VIT: variants seen among roughly 807,000 people sequenced by gnomAD.
The protein encoded by VIT is vitrin.
A neutral mutation model predicts 78.0 loss-of-function variants in VIT; 99 were observed. The ratio of observed to expected loss-of-function variants is 1.27; its 90% CI spans 1.08 to 1.50. VIT has a LOEUF of 1.50. VIT is among the 40% of genes most tolerant of loss of function. The pLI, the probability that VIT is intolerant of heterozygous loss-of-function variation, is 0.00. For synonymous variants in VIT, 374 were observed against 334.3 expected (o/e 1.12, Z -1.29); for missense variants, 1,126 against 875.3 (o/e 1.29, Z -3.61).
chr2:36,787,789 G>T (rs1210303618), intron 12 of VIT: 5 of 454,340 alleles, frequency 1.1e-5, no homozygotes, highest in Non-Finnish European at 2.2e-5. Flanking sequence ...ATAACCTTAG[G>T]CCCCTGCACT....
rs138011577 is a variant in VIT, at chr2:36,765,643, G to C, written c.488-1451G>C. 9.0e-3 allele frequency among the ~76,000 whole-genome samples: 1,370 copies of C among 152,262 alleles called. 20 individuals are homozygous for C. Among genetic ancestry groups the C allele is most frequent in the African/African-American group, 0.031 (1,289 of 41,500 alleles). On this transcript the variant is annotated intron_variant, in intron 6 of 15. Coordinates refer to ENST00000379242, the MANE Select transcript of VIT (RefSeq NM_053276.4). ...ACCCAAACCATATCAGAGGTCATAT[G>C]ACGACGGAGCAGAGAAACAACTGAA...
chr2:36,699,596 A>C (rs893097870), intron 1 of VIT, among the ~76,000 whole-genome samples: 9 of 143,472 alleles, frequency 6.3e-5, no homozygotes, highest in South Asian at 2.3e-4. Context: ...ATAGATATAG[A>C]TATAGATATA....
chr2:36,812,380 T>A (rs557700805), intron 15 of VIT, among the ~76,000 whole-genome samples: 1 of 152,076 alleles, frequency 6.6e-6, no homozygotes, highest in Non-Finnish European at 1.5e-5. Flanking sequence ...CCATTTTGCT[T>A]ACCCTACTCA....
chr2:36,741,862 T>C (rs1263347373), intron 3 of VIT, among the ~76,000 whole-genome samples: 1 of 152,334 alleles, frequency 6.6e-6, no homozygotes, highest in East Asian at 1.9e-4. Context: ...AAAGTTCTTC[T>C]TGGCAAAATT....
chr2:36,813,870 A>T (rs1667372681), intron 15 of VIT, among the ~76,000 whole-genome samples: 1 of 152,154 alleles, frequency 6.6e-6, no homozygotes, highest in Non-Finnish European at 1.5e-5. Context: ...TGAAATTCTT[A>T]CCATGTTATT....
chr2:36,710,164 T>C (rs1558504848), intron 1 of VIT, among the ~76,000 whole-genome samples: 1 of 152,236 alleles, frequency 6.6e-6, no homozygotes, highest in Non-Finnish European at 1.5e-5. Context: ...GTGATAATGA[T>C]AACAACAATA....
rs570596996 is a variant in VIT at position 36,737,025 on chromosome 2, T to C, written c.119-6075T>C. On this transcript the variant is annotated intron_variant, in intron 3 of 15. Coordinates refer to ENST00000379242, the MANE Select transcript of VIT (RefSeq NM_053276.4). Reference sequence around the variant, plus strand: ...AGATCCAATTAGTGCTCATTAGGTATGGACAAAGGAACAACAACAAAAGCC... The same window carrying C: ...AGATCCAATTAGTGCTCATTAGGTACGGACAAAGGAACAACAACAAAAGCC... Among the ~76,000 whole-genome samples the C allele has an allele frequency of 2.0e-5, 3 of 152,236 alleles. No individual in the cohort carries two copies. In the East Asian group the frequency reaches 5.8e-4, roughly 29 times the overall value.
chr2:36,713,288 A>G (rs1665918308), intron 1 of VIT, among the ~76,000 whole-genome samples: 1 of 152,222 alleles, frequency 6.6e-6, no homozygotes, highest in Admixed American at 6.5e-5. Flanking sequence ...CCAGAGGAAA[A>G]GGTAGTACAA....
At chr2:36,798,874 G>C (rs998650845) in intron 12 of VIT, among the ~76,000 whole-genome samples, 1 of 152,168 alleles carries the variant, frequency 6.6e-6, no homozygotes, top group African/African-American at 2.4e-5. Context: ...CCTCCTCCCT[G>C]AATTTGTGAC....
At chr2:36,715,647 T>C (rs1479843282) in intron 1 of VIT, among the ~76,000 whole-genome samples, 1 of 152,180 alleles carries the variant, frequency 6.6e-6, no homozygotes, top group African/African-American at 2.4e-5. Context: ...CTTAATTAAC[T>C]AGACCCAAAG....
At chr2:36,806,370 C>A (rs527460710) in intron 14 of VIT, among the ~76,000 whole-genome samples, 3 of 152,310 alleles carry the variant, frequency 2.0e-5, no homozygotes, top group African/African-American at 7.2e-5. Flanking sequence ...AACTGATGAC[C>A]ACTTCCTGCT....
intron 15 of VIT, among the ~76,000 whole-genome samples, chr2:36,811,386 C>CT (rs1667156856): frequency 1.3e-5 from 2 of 152,184 alleles, no homozygotes; most frequent in Non-Finnish European, 2.9e-5. Context: ...AGAGGGTATC[C>CT]TTGGCCTACT....
intron 14 of VIT, among the ~76,000 whole-genome samples, chr2:36,806,649 C>T (rs925432974): frequency 1.3e-5 from 2 of 152,206 alleles, no homozygotes; most frequent in African/African-American, 4.8e-5. Flanking sequence ...CAGCTTCAAG[C>T]AATTCTCCTG....
intron 4 of VIT, among the ~76,000 whole-genome samples, chr2:36,754,139 G>T (rs1668629694): frequency 6.6e-6 from 1 of 152,162 alleles, no homozygotes; most frequent in African/African-American, 2.4e-5. Context: ...GAGGTTGAGG[G>T]TTGAACGTTG....
chr2:36,741,737 C>T (rs1381097653), intron 3 of VIT, among the ~76,000 whole-genome samples: 2 of 151,944 alleles, frequency 1.3e-5, no homozygotes, highest in Non-Finnish European at 2.9e-5. Flanking sequence ...TACTCCTCAC[C>T]CAATGTAGAA....
intron 3 of VIT, among the ~76,000 whole-genome samples, chr2:36,740,315 A>C (rs1030861870): frequency 6.6e-6 from 1 of 152,228 alleles, no homozygotes; most frequent in Non-Finnish European, 1.5e-5. Context: ...GTTACAAGAA[A>C]ACAGACTACC....
At chr2:36,760,486 C>G (rs1394357237) in intron 6 of VIT, among the ~76,000 whole-genome samples, 1 of 152,164 alleles carries the variant, frequency 6.6e-6, no homozygotes, top group Non-Finnish European at 1.5e-5. Flanking sequence ...AGCTGTTCCC[C>G]ACCTCCACCC....
intron 12 of VIT, among the ~76,000 whole-genome samples, chr2:36,796,231 A>T (rs1356095836): frequency 2.6e-5 from 4 of 152,254 alleles, no homozygotes; most frequent in African/African-American, 9.6e-5. Context: ...ATATCTTATT[A>T]TAAAGATATA....
At chr2:36,769,599 C>T (rs550259656) in intron 7 of VIT, among the ~76,000 whole-genome samples, 5 of 152,246 alleles carry the variant, frequency 3.3e-5, no homozygotes, top group Non-Finnish European at 7.4e-5. Context: ...GTTGTATTGC[C>T]TATTCAAAGG....
Sources: allele counts gnomAD v4.1 joint callset (sites outside exome capture counted in the v4.1 genomes callset), GRCh38; gene constraint gnomAD v4.1.1; transcripts MANE v1.5; gene names NCBI Gene and HGNC (gene_info 2026-07-23, HGNC 2026-07-21).